Variants in AUTS2 observed in about 807,000 individuals in gnomAD.
AUTS2 encodes activator of transcription and developmental regulator AUTS2.
AUTS2 carries 17 observed loss-of-function variants against 112.4 expected under a neutral mutation model. That is an observed-to-expected ratio of 0.15 (90% CI 0.10 to 0.23). AUTS2 has a LOEUF of 0.23. Ranked by LOEUF, AUTS2 falls within the 10% of genes least tolerant of loss-of-function variation. The pLI, the probability that AUTS2 is intolerant of heterozygous loss-of-function variation, is 1.00. For synonymous variants in AUTS2, 751 were observed against 702.7 expected (o/e 1.07, Z -1.09); for missense variants, 1,510 against 1,701.6 (o/e 0.89, Z 1.98).
intron 1 of AUTS2, among the ~76,000 whole-genome samples, chr7:69,709,486 T>G (rs1798219146): frequency 6.6e-6 from 1 of 152,194 alleles, no homozygotes; most frequent in Non-Finnish European, 1.5e-5. Context: ...CACCCTGTGT[T>G]GAAAAAGGCA....
At chr7:69,992,746 A>C (rs1187828726) in intron 2 of AUTS2, among the ~76,000 whole-genome samples, 1 of 152,070 alleles carries the variant, frequency 6.6e-6, no homozygotes, top group Non-Finnish European at 1.5e-5. Flanking sequence ...TAAGCCAGAC[A>C]TGGTGGTGTG....
chr7:70,659,083 G>C (rs1806927471), intron 5 of AUTS2, among the ~76,000 whole-genome samples: 1 of 152,148 alleles, frequency 6.6e-6, no homozygotes, highest in Non-Finnish European at 1.5e-5. Context: ...TGTTGGAGTG[G>C]TGTTACACAT....
At chr7:70,488,691 T>C (rs1191345270) in intron 5 of AUTS2, among the ~76,000 whole-genome samples, 1 of 152,154 alleles carries the variant, frequency 6.6e-6, no homozygotes, top group African/African-American at 2.4e-5. Flanking sequence ...GCTCTCAGGA[T>C]TCCTCCTGCT....
chr7:69,973,147 A>G (rs1797923487), intron 2 of AUTS2, among the ~76,000 whole-genome samples: 1 of 152,138 alleles, frequency 6.6e-6, no homozygotes, highest in South Asian at 2.1e-4. Context: ...TTCAGCATAC[A>G]AGTCCTATAT....
chr7:70,065,969 C>T (rs1802471562), intron 2 of AUTS2, among the ~76,000 whole-genome samples: 3 of 152,128 alleles, frequency 2.0e-5, no homozygotes, highest in Admixed American at 2.0e-4. Flanking sequence ...CAGCCTCCTT[C>T]TCAGGTAGCT....
At chr7:69,711,014 C>T (rs888513081) in intron 1 of AUTS2, among the ~76,000 whole-genome samples, 9 of 152,150 alleles carry the variant, frequency 5.9e-5, no homozygotes, top group African/African-American at 2.2e-4. Flanking sequence ...CTCCTGCTCA[C>T]CCTTAGGAAT....
intron 1 of AUTS2, among the ~76,000 whole-genome samples, chr7:69,666,845 TG>T (rs1796070901): frequency 6.6e-6 from 1 of 152,074 alleles, no homozygotes; most frequent in Admixed American, 6.6e-5. Context: ...GAGGCTGCAG[TG>T]AGTCATGATC....
chr7:70,022,512 G>C (rs1201572902), intron 2 of AUTS2, among the ~76,000 whole-genome samples: 1 of 151,906 alleles, frequency 6.6e-6, no homozygotes, highest in African/African-American at 2.4e-5. Flanking sequence ...GTAGAGAAAG[G>C]GTTTTACCAT....
chr7:70,719,078 T>A (rs1381317714), intron 6 of AUTS2, among the ~76,000 whole-genome samples: 1 of 152,216 alleles, frequency 6.6e-6, no homozygotes, highest in African/African-American at 2.4e-5. Context: ...ATCACTTCAA[T>A]TAACCCATGG....
At chr7:70,743,910 G>A (rs1290241640) in intron 6 of AUTS2, among the ~76,000 whole-genome samples, 2 of 152,142 alleles carry the variant, frequency 1.3e-5, no homozygotes, top group East Asian at 3.9e-4. Flanking sequence ...GGAACTTGAA[G>A]CAAAGAATTT....
chr7:70,491,589 TTG>T (rs71077660), intron 5 of AUTS2, among the ~76,000 whole-genome samples: 3,165 of 138,714 alleles, frequency 0.023, 49 homozygotes, highest in African/African-American at 0.038. Context: ...TGTATATATA[TTG>T]TGTGTGTGTG....
intron 5 of AUTS2, chr7:70,595,996 G>GCAACCCGCGCAGCAGC (rs889241073): frequency 6.6e-6 from 1 of 152,178 alleles, no homozygotes; most frequent in African/African-American, 2.4e-5. Context: ...CTTTGCCGCC[G>GCAACCCGCGCAGCAGC]CAACCCGCGC....
chr7:70,052,945 A>G (rs1801822123), intron 2 of AUTS2, among the ~76,000 whole-genome samples: 1 of 152,164 alleles, frequency 6.6e-6, no homozygotes, highest in Non-Finnish European at 1.5e-5. Context: ...AAGAAAAGTG[A>G]TTTTGAGATA....
chr7:70,046,302 C>G (rs939063377), intron 2 of AUTS2, among the ~76,000 whole-genome samples: 1 of 152,138 alleles, frequency 6.6e-6, no homozygotes, highest in African/African-American at 2.4e-5. Flanking sequence ...TTTAGCTTCC[C>G]TGTGCATCAG....
chr7:70,313,042 G>T (rs1789832840), intron 4 of AUTS2, among the ~76,000 whole-genome samples: 1 of 152,162 alleles, frequency 6.6e-6, no homozygotes, highest in Admixed American at 6.5e-5. Context: ...TTTCTATTTT[G>T]TTGTTCCATA....
At position 70,117,499 on chromosome 7, in the gene AUTS2, T is replaced by C. The variant is rs1021988218; in HGVS notation, c.523-633T>C. ...AGTTTATTCAACATTTTTGGTCTTT[T>C]CATTATTGAAAAAAAATTGCAGTGG... On this transcript the variant is annotated intron_variant, in intron 2 of 18. Coordinates refer to ENST00000342771, the MANE Select transcript of AUTS2 (RefSeq NM_015570.4). Among the ~76,000 whole-genome samples, 4 of 152,284 alleles carry C rather than the reference T, an allele frequency of 2.6e-5. No individual in the cohort carries two copies. In the East Asian group the frequency reaches 5.8e-4, roughly 22 times the overall value.
chr7:70,379,501 CA>C (rs35035233), intron 4 of AUTS2, among the ~76,000 whole-genome samples: 9,287 of 120,418 alleles, frequency 0.077, 320 homozygotes, highest in African/African-American at 0.12. Flanking sequence ...GCATCCGTCT[CA>C]AAAAAAAAAA....
chr7:69,719,502 A>G (rs984608033), intron 1 of AUTS2, among the ~76,000 whole-genome samples: 2 of 152,150 alleles, frequency 1.3e-5, no homozygotes, highest in African/African-American at 4.8e-5. Flanking sequence ...TCACAGGCTC[A>G]TATTGTGGCT....
intron 1 of AUTS2, among the ~76,000 whole-genome samples, chr7:69,871,021 C>T (rs546289027): frequency 2.0e-5 from 3 of 152,098 alleles, no homozygotes; most frequent in African/African-American, 4.8e-5. Flanking sequence ...TTGTTTTTAC[C>T]GCACAGTGGA....
Sources: allele counts gnomAD v4.1 joint callset (sites outside exome capture counted in the v4.1 genomes callset), GRCh38; gene constraint gnomAD v4.1.1; transcripts MANE v1.5; gene names NCBI Gene and HGNC (gene_info 2026-07-23, HGNC 2026-07-21).